Variants in CHL1 observed in about 807,000 individuals in gnomAD.
CHL1 encodes the protein neural cell adhesion molecule L1-like protein.
A neutral mutation model predicts 141.9 loss-of-function variants in CHL1; 96 were observed. The observed-to-expected ratio is 0.68, with a 90% CI of 0.57 to 0.80. The LOEUF (loss-of-function observed/expected upper bound fraction) is 0.80, where lower values mean the gene tolerates loss of function less well. Ranked by LOEUF, CHL1 falls within the 30% of genes least tolerant of loss-of-function variation. The pLI is 0.00. For synonymous variants in CHL1, 613 were observed against 502.2 expected, an observed-to-expected ratio of 1.22 and a Z score of -2.95; for missense variants, 1,820 against 1,457.2, an observed-to-expected ratio of 1.25 and a Z score of -4.05.
intron 2 of CHL1, among the ~76,000 whole-genome samples, chr3:251,054 T>C (rs1363056598): frequency 6.6e-6 from 1 of 152,076 alleles, no homozygotes; most frequent in African/African-American, 2.4e-5. Flanking sequence ...AAATGTAAAA[T>C]TGCTGCTCTA....
At position 405,809 on chromosome 3, in the gene CHL1, G is replaced by GT. The variant is rs1709498025; in HGVS notation, c.*98_*99insT. On this transcript the variant is annotated 3_prime_UTR_variant, in exon 28 of 28. Coordinates refer to ENST00000256509, the MANE Select transcript of CHL1 (RefSeq NM_006614.4). ...TTTCATATAGGAATAGAAACATGCT[G>GT]GCCGAAGATTTCATCCAGAAGTCAA... 4.9e-6 allele frequency: 4 copies of GT among 811,232 alleles called. No individual in the cohort carries two copies. Among genetic ancestry groups the GT allele is most frequent in the Non-Finnish European group, 7.9e-6 (4 of 504,522 alleles). 50.3% of individuals were successfully genotyped at this position (811,232 alleles called of 1,614,324 possible).
chr3:352,141 G>T (rs1703321411), intron 10 of CHL1, among the ~76,000 whole-genome samples: 1 of 151,988 alleles, frequency 6.6e-6, no homozygotes, highest in Non-Finnish European at 1.5e-5. Context: ...ATTTTCAAAG[G>T]TTGTCATAAA....
intron 2 of CHL1, among the ~76,000 whole-genome samples, chr3:275,117 A>G (rs142625429): frequency 2.7e-4 from 41 of 152,310 alleles, no homozygotes; most frequent in African/African-American, 9.6e-4. Context: ...TGGGTTAGGG[A>G]TATTCTACCT....
chr3:197,942 C>T, intron 1 of CHL1: 1 of 381,904 alleles, frequency 2.6e-6, no homozygotes, highest in Non-Finnish European at 5.2e-6. Flanking sequence ...ATTTGGGGAG[C>T]AGGGATTGGA....
chr3:383,946 C>A, intron 19 of CHL1, 60 bp downstream of exon 19: 1 of 1,114,916 alleles, frequency 9.0e-7, no homozygotes, highest in Non-Finnish European at 1.3e-6. Context: ...CTTAGGTCTG[C>A]ATGCTAACTA....
At chr3:405,312 T>C (rs888353438) in intron 27 of CHL1, among the ~76,000 whole-genome samples, 183 bp from the exon 28 acceptor site, 1 of 152,178 alleles carries the variant, frequency 6.6e-6, no homozygotes, top group East Asian at 1.9e-4. Flanking sequence ...TAGACATGTG[T>C]TTACAGACTT....
At chr3:251,558 C>T (rs1243670757) in intron 2 of CHL1, among the ~76,000 whole-genome samples, 1 of 152,104 alleles carries the variant, frequency 6.6e-6, no homozygotes, top group Non-Finnish European at 1.5e-5. Context: ...CAATTTCACA[C>T]TTCTTTAAAA....
At chr3:286,917 G>A (rs1697208529) in intron 2 of CHL1, among the ~76,000 whole-genome samples, 2 of 152,216 alleles carry the variant, frequency 1.3e-5, no homozygotes, top group South Asian at 4.2e-4. Context: ...GAGCAGTGAG[G>A]ACCACCAGAG....
intron 3 of CHL1, among the ~76,000 whole-genome samples, chr3:324,471 A>G (rs922369848): frequency 6.6e-6 from 1 of 151,878 alleles, no homozygotes; most frequent in African/African-American, 2.4e-5. Flanking sequence ...ATCTTTACAC[A>G]CTTCATGATC....
At chr3:349,613 C>T in intron 10 of CHL1, 70 bp downstream of exon 10, 1 of 1,299,462 alleles carries the variant, frequency 7.7e-7, no homozygotes, top group East Asian at 2.3e-5. Context: ...GTAGGCCTTG[C>T]TTCTAAATCA....
chr3:337,232 C>T (rs749812324), intron 5 of CHL1, among the ~76,000 whole-genome samples: 9 of 143,690 alleles, frequency 6.3e-5, no homozygotes, highest in Non-Finnish European at 1.2e-4. Context: ...GCTCTGTCGC[C>T]CAGGCTGGAG....
intron 9 of CHL1, among the ~76,000 whole-genome samples, chr3:345,784 G>T (rs577698154): frequency 1.3e-5 from 2 of 152,096 alleles, no homozygotes; most frequent in Admixed American, 6.6e-5. Context: ...GGCCCAGCCC[G>T]CAATGCACCT....
intron 3 of CHL1, among the ~76,000 whole-genome samples, chr3:323,359 A>T (rs1344408073): frequency 1.3e-5 from 2 of 152,106 alleles, no homozygotes; most frequent in Non-Finnish European, 2.9e-5. Flanking sequence ...ACAAGTGTCA[A>T]TTTTTGATAT....
rs967571728 is a variant in CHL1 at position 349,541 on chromosome 3, A to C, written c.1031A>C (p.Glu344Ala). 50 of 1,611,034 alleles carry C rather than the reference A, an allele frequency of 3.1e-5. No individual in the cohort carries two copies. Among genetic ancestry groups the C allele is most frequent in the Non-Finnish European group, 4.2e-5 (50 of 1,178,782 alleles). The change falls in exon 10 of 28, where the codon GAA (glutamate) becomes GCA (alanine). Residue 344 changes from glutamate (E) to alanine (A), a missense_variant and splice_region_variant. Physicochemically the swap from Glu to Ala is moderately radical, Grantham distance 107. Transcript: ENST00000256509. Reference sequence around the variant, plus strand: ...ACTCACGATTTTCACGTTATAGTAGAAGGTACCTTTCCCATGTTGGTCTAT... The same window carrying C: ...ACTCACGATTTTCACGTTATAGTAGCAGGTACCTTTCCCATGTTGGTCTAT... ...TATHDFHVIV[E>A]EPPRWTKKPQ...
At chr3:382,443 T>C (rs372358012) in intron 17 of CHL1, 31 bp from the exon 18 acceptor site, 42 of 1,574,374 alleles carry the variant, frequency 2.7e-5, no homozygotes, top group Non-Finnish European at 3.7e-5. Context: ...CTCCATACAT[T>C]CTAATATTTT....
intron 9 of CHL1, among the ~76,000 whole-genome samples, chr3:348,005 A>T (rs1229212815): frequency 6.6e-6 from 1 of 152,220 alleles, no homozygotes; most frequent in African/African-American, 2.4e-5. Context: ...TTTAACCACA[A>T]ACTATCAATA....
At chr3:280,005 C>G (rs1040286306) in intron 2 of CHL1, among the ~76,000 whole-genome samples, 1 of 151,920 alleles carries the variant, frequency 6.6e-6, no homozygotes, top group Non-Finnish European at 1.5e-5. Flanking sequence ...TATTTTTTAA[C>G]TGCTGATTAT....
chr3:344,466 AACAC>A (rs56787746), intron 8 of CHL1, 119 bp from the exon 9 acceptor site: 172,333 of 561,870 alleles, frequency 0.31, 16,712 homozygotes, highest in South Asian at 0.34. Context: ...ATGTGTATAG[AACAC>A]ACACACACAC....
At chr3:341,724 G>A (rs987219433) in intron 6 of CHL1, among the ~76,000 whole-genome samples, 188 bp from the exon 7 acceptor site, 1 of 152,068 alleles carries the variant, frequency 6.6e-6, no homozygotes, top group Non-Finnish European at 1.5e-5. Flanking sequence ...CAAGGGTTTT[G>A]CTGCTGTTTT....
Sources: gnomAD v4.1 joint callset for allele counts (sites outside exome capture counted in the v4.1 genomes callset) on GRCh38, gnomAD v4.1.1 for gene constraint, MANE v1.5 for transcripts, NCBI Gene and HGNC (gene_info 2026-07-23, HGNC 2026-07-21) for gene names.